The following NCAN variants were observed in gnomAD, a reference collection of about 807,000 sequenced individuals.
The protein encoded by NCAN is neurocan core protein.
NCAN carries 47 observed loss-of-function variants against 121.8 expected under a neutral mutation model. The ratio of observed to expected loss-of-function variants is 0.39; its 90% CI spans 0.31 to 0.49. The LOEUF (loss-of-function observed/expected upper bound fraction) is 0.49, where lower values mean the gene tolerates loss of function less well. Among genes scored for constraint, NCAN ranks in the 20% least tolerant of loss-of-function variants. NCAN has a pLI of 0.92. For missense variants in NCAN, 1,517 were observed against 1,773.4 expected (o/e 0.86, Z 2.60); for synonymous variants, 633 against 702.0 (o/e 0.90, Z 1.55).
At chr19:19,233,727 A>C (rs1323179008) in intron 8 of NCAN, 62 bp from the exon 9 acceptor site, 1 of 1,099,234 alleles carries the variant, frequency 9.1e-7, no homozygotes, top group Non-Finnish European at 1.4e-6. Flanking sequence ...TGGGGTCTTG[A>C]TTCCAGGAAG....
At chr19:19,237,081 ATT>A (rs113420782) in intron 10 of NCAN, among the ~76,000 whole-genome samples, 34 of 142,502 alleles carry the variant, frequency 2.4e-4, no homozygotes, top group African/African-American at 7.2e-4. Context: ...ACGTGACTCA[ATT>A]TTTTTTTTTT....
intron 10 of NCAN, among the ~76,000 whole-genome samples, chr19:19,237,979 G>T (rs2060887907): frequency 6.6e-6 from 1 of 152,100 alleles, no homozygotes; most frequent in Non-Finnish European, 1.5e-5. Context: ...GGAGGCGGAG[G>T]TAGCAGTGAG....
chr19:19,228,833 G>A (rs1280306855), intron 8 of NCAN, among the ~76,000 whole-genome samples, 194 bp downstream of exon 8: 1 of 152,210 alleles, frequency 6.6e-6, no homozygotes, highest in African/African-American at 2.4e-5. Context: ...GCAGAGGAAC[G>A]AGCACTGGCA....
chr19:19,229,296 A>G (rs928115817), intron 8 of NCAN, among the ~76,000 whole-genome samples: 4 of 152,244 alleles, frequency 2.6e-5, no homozygotes, highest in Non-Finnish European at 4.4e-5. Context: ...CCATGTCTAC[A>G]TCTGCTTTGA....
intron 8 of NCAN, among the ~76,000 whole-genome samples, 170 bp from the exon 9 acceptor site, chr19:19,233,619 G>A (rs757868311): frequency 4.6e-5 from 7 of 152,174 alleles, no homozygotes; most frequent in Non-Finnish European, 7.3e-5. Context: ...TAAACTCCTC[G>A]TAACAGGGGT....
chr19:19,219,621 G>A lies in NCAN; in HGVS notation c.475+305G>A, dbSNP rs140276926. ...AGGTGGGAGGATCACTTGAGACTGG[G>A]AGGTTGAGGCTACTCCACTCCAGCC... is the stretch of plus-strand genomic sequence containing the variant. On this transcript the variant is annotated intron_variant, in intron 3 of 14. Coordinates refer to ENST00000252575, the MANE Select transcript of NCAN (RefSeq NM_004386.3). Among the ~76,000 whole-genome samples the A allele has an allele frequency of 3.4e-3, 435 of 127,170 alleles. 6 individuals carry two copies. The East Asian group carries it at 0.055, about 16-fold the overall frequency. The allele number at this position is 127,170 out of a possible 152,430, so 83.4% of individuals were successfully genotyped here.
rs1362325540 is a variant in NCAN, at chr19:19,234,938, A to G, written c.3137-45A>G. Reference sequence around the variant, plus strand: ...TAGTTTCCTGTGGGGGCTCAGAGCCAAGGGGAAGCTGACCTCTAACTCAGT... The same window carrying G: ...TAGTTTCCTGTGGGGGCTCAGAGCCGAGGGGAAGCTGACCTCTAACTCAGT... On this transcript the variant is annotated intron_variant, in intron 9 of 14. Transcript: ENST00000252575. 1.3e-5 allele frequency: 17 copies of G among 1,346,634 alleles called. 1 individual carries two copies. Among genetic ancestry groups the G allele is most frequent in the Non-Finnish European group, 1.8e-5 (17 of 951,866 alleles). 83.4% of individuals were successfully genotyped at this position (1,346,634 alleles called of 1,614,324 possible). A position where few individuals can be genotyped will look rare whatever the true frequency, so the allele number is the denominator to read the frequency against.
rs138749597 is a variant in NCAN at position 19,246,730 on chromosome 19, C to T, written c.3637+1273C>T. 2.2e-3 allele frequency among the ~76,000 whole-genome samples: 340 copies of T among 151,886 alleles called. 1 individual carries two copies. Among genetic ancestry groups the T allele is most frequent in the Middle Eastern group, 0.01 (3 of 294 alleles). On this transcript the variant is annotated intron_variant, in intron 13 of 14. Coordinates refer to ENST00000252575, the MANE Select transcript of NCAN (RefSeq NM_004386.3). ...TTTGTTTTTGTATTTTTAGTGGAGA[C>T]GGGGTTTCACCATGTTGACCAGGCT...
chr19:19,218,841 AAAAG>A, intron 2 of NCAN, 70 bp from the exon 3 acceptor site: 1 of 1,368,564 alleles, frequency 7.3e-7, no homozygotes, highest in Non-Finnish European at 9.5e-7. Flanking sequence ...AAAATTTTTT[AAAAG>A]AGGGAAATAG....
At chr19:19,247,711 T>C (rs1367175751) in intron 13 of NCAN, among the ~76,000 whole-genome samples, 1 of 152,152 alleles carries the variant, frequency 6.6e-6, no homozygotes, top group East Asian at 1.9e-4. Flanking sequence ...CAGATAATTA[T>C]TATTGCCGTC....
chr19:19,223,679 G>A (rs2060824796), intron 3 of NCAN, among the ~76,000 whole-genome samples: 1 of 152,080 alleles, frequency 6.6e-6, no homozygotes, highest in South Asian at 2.1e-4. Flanking sequence ...CACCATGTTA[G>A]CCAGGCTGGT....
chr19:19,238,151 G>A (rs2060888789), intron 10 of NCAN, 102 bp from the exon 11 acceptor site: 5 of 1,500,266 alleles, frequency 3.3e-6, no homozygotes, highest in Non-Finnish European at 2.8e-6. Flanking sequence ...GCCCCGCAGT[G>A]ACCTTGGATT....
chr19:19,229,985 A>C (rs1667925535), intron 8 of NCAN, among the ~76,000 whole-genome samples: 1 of 152,194 alleles, frequency 6.6e-6, no homozygotes, highest in Non-Finnish European at 1.5e-5. Context: ...GCATGAAATC[A>C]AACTAACAAA....
chr19:19,222,545 C>G (rs1169143240), intron 3 of NCAN, among the ~76,000 whole-genome samples: 1 of 152,202 alleles, frequency 6.6e-6, no homozygotes, highest in Non-Finnish European at 1.5e-5. Flanking sequence ...TTCCAAAGTG[C>G]TGGGATTACA....
At chr19:19,246,831 C>T (rs144177227) in intron 13 of NCAN, among the ~76,000 whole-genome samples, 5 of 152,234 alleles carry the variant, frequency 3.3e-5, no homozygotes, top group Non-Finnish European at 4.4e-5. Flanking sequence ...TGTGAGCCAC[C>T]GTGTCTGGCC....
At chr19:19,239,924 T>A in intron 11 of NCAN, among the ~76,000 whole-genome samples, 2 of 118,346 alleles carry the variant, frequency 1.7e-5, no homozygotes, top group African/African-American at 3.3e-5. Context: ...TCTTCTCTCC[T>A]TCCTCCCTCC....
chr19:19,240,901 A>G (rs965777101), intron 12 of NCAN, among the ~76,000 whole-genome samples: 8 of 152,312 alleles, frequency 5.3e-5, no homozygotes, highest in Admixed American at 3.9e-4. Flanking sequence ...ACGAAGCTGC[A>G]GAGGTTACAA....
rs1040328682 is a variant in NCAN, at chr19:19,251,105, C to T, written c.*1194C>T. On this transcript the variant is annotated 3_prime_UTR_variant, in exon 15 of 15. Coordinates refer to ENST00000252575, the MANE Select transcript of NCAN (RefSeq NM_004386.3). Reference sequence around the variant, plus strand: ...ACCAGGGGCCAGGATCCAGTTCCCTCATCTCTGGCAGGAAAGATCCACAGC... The same window carrying T: ...ACCAGGGGCCAGGATCCAGTTCCCTTATCTCTGGCAGGAAAGATCCACAGC... The T allele has an allele frequency of 3.9e-5, 6 of 152,198 alleles. No homozygotes were observed. Among genetic ancestry groups the T allele is most frequent in the Non-Finnish European group, 7.3e-5 (5 of 68,036 alleles). The allele number at this position is 152,198 out of a possible 1,614,324, so 9.4% of individuals were successfully genotyped here.
intron 1 of NCAN, among the ~76,000 whole-genome samples, chr19:19,213,316 C>T (rs2060782266): frequency 6.6e-6 from 1 of 152,084 alleles, no homozygotes; most frequent in Non-Finnish European, 1.5e-5. Flanking sequence ...CCCTGTGAGT[C>T]TGATGTGACT....
Sources: gnomAD v4.1 joint callset for allele counts (sites outside exome capture counted in the v4.1 genomes callset) on GRCh38, gnomAD v4.1.1 for gene constraint, MANE v1.5 for transcripts, NCBI Gene and HGNC (gene_info 2026-07-23, HGNC 2026-07-21) for gene names.